Variants in SRPK1 observed in about 807,000 individuals in gnomAD.
The protein encoded by SRPK1 is SFRS protein kinase 1.
A neutral mutation model predicts 89.5 loss-of-function variants in SRPK1; 52 were observed. That is an observed-to-expected ratio of 0.58 (90% confidence interval 0.46 to 0.73). The LOEUF (loss-of-function observed/expected upper bound fraction) is 0.73. SRPK1 is among the 30% of genes least tolerant of loss of function. The probability of loss-of-function intolerance (pLI) is 0.00; values close to 1 mark genes in which losing one functional copy is unlikely to be tolerated. For missense variants in SRPK1, 603 were observed against 780.6 expected (o/e 0.77, Z 2.71); for synonymous variants, 255 against 270.2 (o/e 0.94, Z 0.55).
chr6:35,897,060 C>A (rs1050891146), intron 2 of SRPK1, among the ~76,000 whole-genome samples: 4 of 152,050 alleles, frequency 2.6e-5, no homozygotes, highest in Non-Finnish European at 5.9e-5. Context: ...CTGAGTAAAG[C>A]GAGTAATGGT....
Position 35,872,726 on chromosome 6 carries a change from C to T in SRPK1, c.588G>A (p.Val196=). ...TATGTAAATAATCAAGACCCTGTAA[C>T]ACCTGAATGGAAATAGAGTGGCAGA... ...LPCVKKIIQQ[V]LQGLDYLHTK... The change falls in exon 8 of 16, where the codon GTG becomes GTA. Residue 196 remains valine, a splice_region_variant and synonymous_variant. Coordinates refer to ENST00000373825, the MANE Select transcript of SRPK1 (RefSeq NM_003137.5). The T allele has an allele frequency of 6.3e-7, 1 of 1,597,460 alleles. No individual in the cohort carries two copies. The highest frequency in any genetic ancestry group is 2.3e-5 in the East Asian group (1 of 44,206).
intron 6 of SRPK1, among the ~76,000 whole-genome samples, chr6:35,878,851 G>C (rs940832467): frequency 3.9e-5 from 6 of 152,190 alleles, no homozygotes; most frequent in African/African-American, 1.4e-4. Context: ...AGCACTTTGG[G>C]AGGCCAAAGT....
chr6:35,860,337 T>C (rs943574407), intron 12 of SRPK1, among the ~76,000 whole-genome samples: 2 of 152,050 alleles, frequency 1.3e-5, no homozygotes, highest in South Asian at 4.2e-4. Flanking sequence ...TATCACAGGG[T>C]GTGAATGAAT....
intron 2 of SRPK1, among the ~76,000 whole-genome samples, chr6:35,893,410 G>A (rs1323668791): frequency 6.6e-6 from 1 of 152,038 alleles, no homozygotes; most frequent in Non-Finnish European, 1.5e-5. Context: ...GCTTGAAGCT[G>A]CAAGGTTGCG....
intron 11 of SRPK1, 147 bp from the exon 12 acceptor site, chr6:35,869,257 G>A (rs540980136): frequency 3.6e-5 from 31 of 865,502 alleles, no homozygotes; most frequent in East Asian, 2.4e-4. Flanking sequence ...GCACAGCAAC[G>A]CCTTGAGTTT....
chr6:35,865,310 C>T (rs556204619), intron 12 of SRPK1, among the ~76,000 whole-genome samples: 39 of 152,170 alleles, frequency 2.6e-4, no homozygotes, highest in Non-Finnish European at 4.3e-4. Flanking sequence ...CGAATACATA[C>T]ACCTACTATG....
intron 2 of SRPK1, among the ~76,000 whole-genome samples, chr6:35,910,383 G>A (rs1167791323): frequency 6.6e-6 from 1 of 152,128 alleles, no homozygotes; most frequent in East Asian, 1.9e-4. Flanking sequence ...CCAGAGCAAG[G>A]CCCTGGATTT....
chr6:35,876,876 C>T (rs765456947), intron 6 of SRPK1, among the ~76,000 whole-genome samples: 1 of 152,240 alleles, frequency 6.6e-6, no homozygotes, highest in Admixed American at 6.5e-5. Flanking sequence ...CAGGTAGACT[C>T]CACAAGTTGA....
chr6:35,881,961 G>T (rs1770299851), intron 6 of SRPK1, among the ~76,000 whole-genome samples: 1 of 151,964 alleles, frequency 6.6e-6, no homozygotes, highest in Non-Finnish European at 1.5e-5. Context: ...TATGAAGATG[G>T]ATGATGGTAA....
At chr6:35,888,997 T>A (rs1028358779) in intron 3 of SRPK1, 74 bp from the exon 4 acceptor site, 3 of 967,106 alleles carry the variant, frequency 3.1e-6, no homozygotes, top group East Asian at 2.4e-5. Flanking sequence ...ATTTTTAACA[T>A]CACATTTTTC....
chr6:35,853,514 T>C (rs1390087715), intron 13 of SRPK1, among the ~76,000 whole-genome samples: 2 of 151,822 alleles, frequency 1.3e-5, no homozygotes, highest in African/African-American at 4.9e-5. Flanking sequence ...CATTAAGGGA[T>C]GACTGAATAT....
At chr6:35,910,149 A>G (rs969759396) in intron 2 of SRPK1, among the ~76,000 whole-genome samples, 1 of 151,860 alleles carries the variant, frequency 6.6e-6, no homozygotes, top group African/African-American at 2.4e-5. Flanking sequence ...GCACCCGACT[A>G]ATTTTGTATT....
At chr6:35,893,829 G>A (rs936170528) in intron 2 of SRPK1, among the ~76,000 whole-genome samples, 4 of 150,972 alleles carry the variant, frequency 2.6e-5, no homozygotes, top group African/African-American at 9.9e-5. Context: ...TGGCCAACAT[G>A]GTGAAACCCC....
chr6:35,908,930 CT>C (rs1770903314), intron 2 of SRPK1, among the ~76,000 whole-genome samples: 1 of 152,228 alleles, frequency 6.6e-6, no homozygotes, highest in Non-Finnish European at 1.5e-5. Flanking sequence ...AATTGAATCT[CT>C]GTCTAGATTT....
chr6:35,872,871 C>T, intron 7 of SRPK1, 143 bp from the exon 8 acceptor site: 1 of 722,640 alleles, frequency 1.4e-6, no homozygotes, highest in Non-Finnish European at 2.1e-6. Flanking sequence ...TAAAAAAGCA[C>T]AAATAAACTT....
At chr6:35,861,997 C>T (rs1213454326) in intron 12 of SRPK1, among the ~76,000 whole-genome samples, 1 of 152,152 alleles carries the variant, frequency 6.6e-6, no homozygotes, top group African/African-American at 2.4e-5. Context: ...TCTCTAAGCA[C>T]ACTTAGGAAA....
intron 12 of SRPK1, among the ~76,000 whole-genome samples, chr6:35,866,949 G>C (rs1769917547): frequency 6.6e-6 from 1 of 152,148 alleles, no homozygotes; most frequent in Non-Finnish European, 1.5e-5. Context: ...TTATAAGTGG[G>C]AGCTGCATAA....
intron 13 of SRPK1, among the ~76,000 whole-genome samples, chr6:35,850,201 C>T (rs1288268287): frequency 6.6e-6 from 1 of 152,086 alleles, no homozygotes; most frequent in African/African-American, 2.4e-5. Flanking sequence ...TATTTAATTG[C>T]TCAAATCATG....
intron 13 of SRPK1, chr6:35,856,985 A>T (rs1769679084): frequency 3.0e-6 from 1 of 332,304 alleles, no homozygotes; most frequent in Non-Finnish European, 5.5e-6. Flanking sequence ...AACCAACAAC[A>T]CCTCTTAGTA....
Sources: allele counts gnomAD v4.1 joint callset (sites outside exome capture counted in the v4.1 genomes callset), GRCh38; gene constraint gnomAD v4.1.1; transcripts MANE v1.5; gene names NCBI Gene and HGNC (gene_info 2026-07-23, HGNC 2026-07-21).